Variants in C4orf50 observed in about 807,000 individuals in gnomAD.
C4orf50 encodes the protein chromosome 4 open reading frame 50.
In C4orf50, 80 loss-of-function variants were observed where a neutral mutation model predicts 77.2. The observed-to-expected ratio is 1.04, with a 90% CI of 0.87 to 1.25. C4orf50 has a LOEUF of 1.25. C4orf50 is among the 50% of genes most tolerant of loss of function. The pLI is 0.00. For synonymous variants in C4orf50, 532 were observed against 465.3 expected, an observed-to-expected ratio of 1.14 and a Z score of -1.84; for missense variants, 1,257 against 1,152.9, an observed-to-expected ratio of 1.09 and a Z score of -1.31.
downstream of C4orf50, among the ~76,000 whole-genome samples, chr4:5,954,016 G>C (rs566496395): frequency 3.4e-4 from 52 of 152,236 alleles, no homozygotes; most frequent in Non-Finnish European, 4.4e-5. This position sits in a 1 kb window ranked among gnomAD's most constrained non-coding sequence, Gnocchi z 4.7. Context: ...ACCAGATGCA[G>C]TAGCTCTGGA....
chr4:5,967,236 T>C (rs77075147), intron 32 of C4orf50, among the ~76,000 whole-genome samples, 178 bp downstream of exon 10: 2,477 of 152,294 alleles, frequency 0.016, 32 homozygotes, highest in African/African-American at 0.036. Context: ...TGTTCTCTCA[T>C]TGTGAAATAG....
chr4:5,935,817 G>C (rs1185886146), intron 7 of C4orf50, among the ~76,000 whole-genome samples: 1 of 113,272 alleles, frequency 8.8e-6, no homozygotes, highest in African/African-American at 3.5e-5. Context: ...AAAAGCCCCA[G>C]AGGCCAACAT....
chr4:5,989,709 T>G (rs1459174085), exon 28 of C4orf50: 2 of 1,536,010 alleles, frequency 1.3e-6, no homozygotes, highest in African/African-American at 1.4e-5. Flanking sequence ...GTTCGGCCCC[T>G]TCAACTGATA....
At chr4:5,978,994 A>G (rs1720429173) in intron 29 of C4orf50, among the ~76,000 whole-genome samples, 1 of 152,222 alleles carries the variant, frequency 6.6e-6, no homozygotes, top group Non-Finnish European at 1.5e-5. Flanking sequence ...ATTATACCGT[A>G]ATGCTGAGGC....
At chr4:6,004,812 G>A (rs1300084113) in intron 25 of C4orf50, among the ~76,000 whole-genome samples, 2 of 150,956 alleles carry the variant, frequency 1.3e-5, no homozygotes, top group East Asian at 3.9e-4. Context: ...GGTGATGTTG[G>A]TGATGATGGT....
chr4:5,944,333 T>C (rs1234444617), intron 7 of C4orf50, among the ~76,000 whole-genome samples: 2 of 152,208 alleles, frequency 1.3e-5, no homozygotes, highest in Non-Finnish European at 2.9e-5. Flanking sequence ...ATGACTTGTT[T>C]ATACGGCTCA....
chr4:5,925,324 G>A (rs896994135), intron 7 of C4orf50, among the ~76,000 whole-genome samples: 3 of 152,158 alleles, frequency 2.0e-5, no homozygotes, highest in East Asian at 1.9e-4. Flanking sequence ...CCCCCAGGCC[G>A]CTGGATCCCC....
intron 7 of C4orf50, among the ~76,000 whole-genome samples, chr4:5,935,099 A>C (rs940444692): frequency 2.0e-5 from 3 of 152,246 alleles, no homozygotes; most frequent in Non-Finnish European, 4.4e-5. Context: ...CTAGGTTCAT[A>C]ATTACTGCAG....
exon 34 of C4orf50, chr4:5,959,164 G>T (rs1663985364): frequency 1.7e-6 from 1 of 586,762 alleles, no homozygotes; most frequent in Non-Finnish European, 3.0e-6. Context: ...CCTTGACATT[G>T]CCAAAGCCAA....
At chr4:5,991,135 T>C (rs1281749451) in intron 27 of C4orf50, among the ~76,000 whole-genome samples, 2 of 152,186 alleles carry the variant, frequency 1.3e-5, no homozygotes, top group Non-Finnish European at 1.5e-5. Context: ...ATCCACCCTA[T>C]GTCATCTTCT....
chr4:5,976,098 C>T (rs1398388324), intron 29 of C4orf50, 143 bp from the exon 8 acceptor site: 23 of 659,658 alleles, frequency 3.5e-5, no homozygotes, highest in Non-Finnish European at 5.5e-5. Flanking sequence ...GAACAGGGGC[C>T]TTTCCCACCA....
chr4:5,968,584 C>T (rs942455265), intron 31 of C4orf50, among the ~76,000 whole-genome samples: 7 of 152,194 alleles, frequency 4.6e-5, no homozygotes, highest in Admixed American at 2.6e-4. Flanking sequence ...ACTCAGGTCC[C>T]GCAGCCTTGA....
chr4:5,981,786 A>G (rs1420566442), intron 28 of C4orf50, among the ~76,000 whole-genome samples: 2 of 151,970 alleles, frequency 1.3e-5, no homozygotes, highest in Non-Finnish European at 2.9e-5. Context: ...TCCGTTTGTG[A>G]AGATTTAGGA....
chr4:6,007,015 A>G lies in C4orf50; in HGVS notation c.963+981T>C, dbSNP rs1379659037. ...CAAGCACATATGAGTCCCATGGCAC[A>G]GCATGTTGAAGATTTTGTCTAGCGC... On this transcript the variant is annotated intron_variant, in intron 25 of 33. Transcript: ENST00000531445. The surrounding 1 kb of genome is among the most constrained non-coding windows in gnomAD (Gnocchi z 4.1). Among the ~76,000 whole-genome samples, 1 of 152,240 alleles carries G rather than the reference A, an allele frequency of 6.6e-6. No individual in the cohort carries two copies. Among genetic ancestry groups the G allele is most frequent in the Non-Finnish European group, 1.5e-5 (1 of 68,042 alleles).
chr4:6,003,194 G>T (rs4689285), intron 25 of C4orf50, among the ~76,000 whole-genome samples: 1 of 152,052 alleles, frequency 6.6e-6, no homozygotes, highest in South Asian at 2.1e-4. Flanking sequence ...GCTGGTAACC[G>T]CAGGCCCCAT....
chr4:5,994,305 C>T, intron 26 of C4orf50, 42 bp downstream of exon 4: 1 of 399,088 alleles, frequency 2.5e-6, no homozygotes, highest in Non-Finnish European at 4.4e-6. Flanking sequence ...TCAGTGGGTG[C>T]TGCCCGCGAC....
intron 31 of C4orf50, among the ~76,000 whole-genome samples, chr4:5,968,391 G>A (rs192730057): frequency 6.6e-6 from 1 of 152,172 alleles, no homozygotes; most frequent in Non-Finnish European, 1.5e-5. Context: ...AATACTCTGC[G>A]GCATGGGTTA....
At chr4:5,975,150 A>ACAAC (rs1720188040) in intron 30 of C4orf50, among the ~76,000 whole-genome samples, 10 of 56,746 alleles carry the variant, frequency 1.8e-4, no homozygotes, top group African/African-American at 8.3e-4. Context: ...AAAAAAAAAA[A>ACAAC]AAAAAAAAAA....
rs28537771 is a variant in C4orf50, at chr4:6,007,882, A to G, written c.963+114T>C. On this transcript the variant is annotated intron_variant, in intron 25 of 33. Transcript: ENST00000531445. The surrounding 1 kb of genome is among the most constrained non-coding windows in gnomAD (Gnocchi z 4.1). Reference sequence around the variant, plus strand: ...ACGATGGACAGGGCTGGCAGGGTTAAACGGCTGTAGGAAGAGGAGCCCGGG... The same window carrying G: ...ACGATGGACAGGGCTGGCAGGGTTAGACGGCTGTAGGAAGAGGAGCCCGGG... 0.5 allele frequency: 199,908 copies of G among 397,806 alleles called. 51,000 individuals carry two copies. Among genetic ancestry groups the G allele is most frequent in the Admixed American group, 0.6 (13,712 of 22,700 alleles). The allele number at this position is 397,806 out of a possible 1,614,324, so 24.6% of individuals were successfully genotyped here. A position where few individuals can be genotyped will look rare whatever the true frequency, so the allele number is the denominator to read the frequency against.
Sources: gnomAD v4.1 joint callset for allele counts (sites outside exome capture counted in the v4.1 genomes callset) on GRCh38, gnomAD v4.1.1 for gene constraint, Gnocchi (gnomAD v3.1) non-coding constraint, MANE v1.5 for transcripts, NCBI Gene and HGNC (gene_info 2026-07-23, HGNC 2026-07-21) for gene names.